Variants in KIAA0319L observed in about 807,000 individuals in gnomAD.
The protein encoded by KIAA0319L is dyslexia-associated protein KIAA0319-like protein.
KIAA0319L carries 55 observed loss-of-function variants against 120.1 expected under a neutral mutation model. That is an observed-to-expected ratio of 0.46 (90% CI 0.37 to 0.57). The LOEUF is 0.57. Ranked by LOEUF, KIAA0319L falls within the 20% of genes least tolerant of loss-of-function variation. The probability of loss-of-function intolerance (pLI) is 0.00; values close to 1 mark genes in which losing one functional copy is unlikely to be tolerated. For synonymous variants in KIAA0319L, 398 were observed against 471.9 expected, an observed-to-expected ratio of 0.84 and a Z score of 2.03; for missense variants, 1,049 against 1,255.3, an observed-to-expected ratio of 0.84 and a Z score of 2.48.
chr1:35,526,288 C>A (rs1191462453), intron 2 of KIAA0319L, among the ~76,000 whole-genome samples: 2 of 146,364 alleles, frequency 1.4e-5, no homozygotes, highest in Non-Finnish European at 1.5e-5. Flanking sequence ...ATATTTAAAA[C>A]CCACATATAT....
rs537930636 is a variant in KIAA0319L, at chr1:35,549,932, G to C, written c.142+4418C>G. On this transcript the variant is annotated intron_variant, in intron 2 of 20. Transcript: ENST00000325722. Reference sequence around the variant, plus strand: ...CATAACTAAAAGAGGCAACATGTCTGCTCTCAAGAAGCTGACAATCTATTG... The same window carrying C: ...CATAACTAAAAGAGGCAACATGTCTCCTCTCAAGAAGCTGACAATCTATTG... Among the ~76,000 whole-genome samples the C allele has an allele frequency of 7.5e-4, 114 of 152,314 alleles. 1 individual carries two copies. The highest frequency in any genetic ancestry group is 2.5e-4 in the Non-Finnish European group (17 of 68,028).
chr1:35,496,162 G>A (rs1644799386), intron 3 of KIAA0319L, among the ~76,000 whole-genome samples: 1 of 152,174 alleles, frequency 6.6e-6, no homozygotes, highest in Non-Finnish European at 1.5e-5. Context: ...GCTCACGCCT[G>A]TAATCCCAAC....
intron 2 of KIAA0319L, 35 bp from the exon 3 acceptor site, chr1:35,507,170 A>G (rs768268881): frequency 6.6e-7 from 1 of 1,511,174 alleles, no homozygotes; most frequent in Admixed American, 2.3e-5. Context: ...TTCAGATGAA[A>G]TAAAAACAGA....
At chr1:35,525,271 T>A (rs568480352) in intron 2 of KIAA0319L, among the ~76,000 whole-genome samples, 8 of 152,194 alleles carry the variant, frequency 5.3e-5, no homozygotes, top group Non-Finnish European at 1.2e-4. Flanking sequence ...CTTAATTCCA[T>A]ATCTTTGCTA....
chr1:35,485,971 A>G (rs555635758), intron 3 of KIAA0319L, among the ~76,000 whole-genome samples: 1 of 152,304 alleles, frequency 6.6e-6, no homozygotes, highest in South Asian at 2.1e-4. Context: ...ATGTTCAGCC[A>G]CACACTGGTA....
Position 35,554,611 on chromosome 1 carries a change from G to A in KIAA0319L, c.-28-92C>T, listed in dbSNP as rs1050654845. ...ATGCTAGAAAATATGACAGATTAGGGGAAAGAAAAATTTCAAGTTTGTCTT... is the reference window on the plus strand; with the variant it reads ...ATGCTAGAAAATATGACAGATTAGGAGAAAGAAAAATTTCAAGTTTGTCTT... On this transcript the variant is annotated intron_variant, in intron 1 of 20. Coordinates refer to ENST00000325722, the MANE Select transcript of KIAA0319L (RefSeq NM_024874.5). 55 of 941,154 alleles carry A rather than the reference G, an allele frequency of 5.8e-5. No homozygotes were observed. The East Asian group carries it at 1.5e-3, about 25-fold the overall frequency. 58.3% of individuals were successfully genotyped at this position (941,154 alleles called of 1,614,324 possible).
At position 35,507,628 on chromosome 1, in the gene KIAA0319L, A is replaced by G. The variant is rs373856469; in HGVS notation, c.143-493T>C. ...GTGGGACCAGAAGAACAGTTTCCCC[A>G]GCAAACTGGCAGCAACACAGACTGA... On this transcript the variant is annotated intron_variant, in intron 2 of 20. Coordinates refer to ENST00000325722, the MANE Select transcript of KIAA0319L (RefSeq NM_024874.5). Among the ~76,000 whole-genome samples the G allele has an allele frequency of 1.1e-4, 17 of 152,210 alleles. No individual in the cohort carries two copies. The East Asian group carries it at 3.1e-3, about 28-fold the overall frequency.
intron 7 of KIAA0319L, 112 bp from the exon 8 acceptor site, chr1:35,462,825 C>T: frequency 1.3e-6 from 1 of 787,726 alleles, no homozygotes; most frequent in Non-Finnish European, 2.0e-6. Flanking sequence ...GGTCCCTAGC[C>T]TTTTTGGCAC....
chr1:35,553,363 A>AAAG (rs902175849), intron 2 of KIAA0319L, among the ~76,000 whole-genome samples: 5 of 152,116 alleles, frequency 3.3e-5, no homozygotes, highest in African/African-American at 1.2e-4. Flanking sequence ...TAAAAAAAAA[A>AAAG]AAAAACCATG....
intron 2 of KIAA0319L, among the ~76,000 whole-genome samples, chr1:35,543,836 C>T (rs1646883630): frequency 6.6e-6 from 1 of 152,066 alleles, no homozygotes; most frequent in South Asian, 2.1e-4. Flanking sequence ...TCTCTCCCAC[C>T]CAGAGTTTGG....
intron 9 of KIAA0319L, 79 bp downstream of exon 9, chr1:35,460,226 G>A (rs1381779346): frequency 4.3e-6 from 5 of 1,156,894 alleles, no homozygotes; most frequent in Admixed American, 2.1e-5. Context: ...ATTTGTCAAA[G>A]TTACTCATAT....
At chr1:35,520,640 G>A (rs1027181320) in intron 2 of KIAA0319L, among the ~76,000 whole-genome samples, 4 of 152,002 alleles carry the variant, frequency 2.6e-5, no homozygotes, top group Non-Finnish European at 4.4e-5. Context: ...CCCTTTAATG[G>A]TTCTGCTGCC....
At chr1:35,483,475 C>T (rs971594173) in intron 3 of KIAA0319L, among the ~76,000 whole-genome samples, 8 of 152,136 alleles carry the variant, frequency 5.3e-5, no homozygotes, top group African/African-American at 9.7e-5. Context: ...TGTTCTAGCA[C>T]CATTTGTTGA....
At chr1:35,526,710 T>C (rs1190916336) in intron 2 of KIAA0319L, among the ~76,000 whole-genome samples, 2 of 152,136 alleles carry the variant, frequency 1.3e-5, no homozygotes, top group Non-Finnish European at 2.9e-5. Context: ...GGAAGTGTGA[T>C]GCCTCCTGCT....
At chr1:35,493,398 T>C (rs1442624008) in intron 3 of KIAA0319L, among the ~76,000 whole-genome samples, 2 of 151,616 alleles carry the variant, frequency 1.3e-5, no homozygotes, top group Non-Finnish European at 2.9e-5. Context: ...AAGATCTCTG[T>C]TGGAGGAGGA....
chr1:35,522,425 A>G (rs1645961051), intron 2 of KIAA0319L, among the ~76,000 whole-genome samples: 1 of 151,830 alleles, frequency 6.6e-6, no homozygotes, highest in Non-Finnish European at 1.5e-5. Flanking sequence ...GATTACAGGC[A>G]CGCACCACCA....
At chr1:35,499,164 T>TAA (rs1431179131) in intron 3 of KIAA0319L, among the ~76,000 whole-genome samples, 1 of 152,198 alleles carries the variant, frequency 6.6e-6, no homozygotes, top group Non-Finnish European at 1.5e-5. Context: ...TGCCAGTTAG[T>TAA]AAGGAGTTGT....
chr1:35,524,930 T>C (rs770806125), intron 2 of KIAA0319L, among the ~76,000 whole-genome samples: 1 of 152,142 alleles, frequency 6.6e-6, no homozygotes. Flanking sequence ...TACAGAACAT[T>C]AGAATTTGTT....
intron 3 of KIAA0319L, among the ~76,000 whole-genome samples, chr1:35,490,435 C>A (rs1005386984): frequency 3.9e-5 from 6 of 152,136 alleles, no homozygotes; most frequent in African/African-American, 1.4e-4. Context: ...ATATCCAACA[C>A]CCCAGTAGGT....
Sources: gnomAD v4.1 joint callset for allele counts (sites outside exome capture counted in the v4.1 genomes callset) on GRCh38, gnomAD v4.1.1 for gene constraint, MANE v1.5 for transcripts, NCBI Gene and HGNC (gene_info 2026-07-23, HGNC 2026-07-21) for gene names.